The following TMC5 variants were observed in gnomAD, a reference collection of about 807,000 sequenced individuals.
The protein encoded by TMC5 is transmembrane channel like 5.
Under a neutral mutation model 110.5 loss-of-function variants are expected in TMC5, and 86 were observed. That is an observed-to-expected ratio of 0.78 (90% CI 0.65 to 0.93). The LOEUF (loss-of-function observed/expected upper bound fraction) is 0.93, where lower values mean the gene tolerates loss of function less well. Ranked by LOEUF, TMC5 falls within the 40% of genes least tolerant of loss-of-function variation. The pLI, the probability that TMC5 is intolerant of heterozygous loss-of-function variation, is 0.00. For missense variants in TMC5, 1,144 were observed against 1,222.8 expected, an observed-to-expected ratio of 0.94 and a Z score of 0.96; for synonymous variants, 455 against 439.5, an observed-to-expected ratio of 1.04 and a Z score of -0.44.
intron 5 of TMC5, among the ~76,000 whole-genome samples, chr16:19,454,709 A>G (rs1418456870): frequency 1.3e-5 from 2 of 152,150 alleles, no homozygotes; most frequent in African/African-American, 2.4e-5. Context: ...CTGCACCTCA[A>G]TTTCTACAAC....
chr16:19,462,510 G>A (rs1159993898), intron 6 of TMC5: 1 of 701,798 alleles, frequency 1.4e-6, no homozygotes, highest in African/African-American at 1.7e-5. Flanking sequence ...CAGCAGGGGA[G>A]GCCTCACAAT....
At position 19,496,887 on chromosome 16, in the gene TMC5, CAAAAAAAAAAAAAAA is replaced by C. The variant is rs67040638; in HGVS notation, c.2932-222_2932-208del. ...TCTAGGAGATAAAGCAAGACTCTGTCAAAAAAAAAAAAAAAAAAAAAAAAAAGAGTATCTGTGGAA... is the reference window on the plus strand; with the variant it reads ...TCTAGGAGATAAAGCAAGACTCTGTCAAAAAAAAAAAGAGTATCTGTGGAA... On this transcript the variant is annotated intron_variant, in intron 20 of 21. Coordinates refer to ENST00000542583, the MANE Select transcript of TMC5 (RefSeq NM_001261841.2). 8.0e-3 allele frequency among the ~76,000 whole-genome samples: 642 copies of C among 80,236 alleles called. 16 individuals carry two copies. Among genetic ancestry groups the C allele is most frequent in the African/African-American group, 0.031 (607 of 19,410 alleles). 52.6% of individuals were successfully genotyped at this position (80,236 alleles called of 152,430 possible).
intron 17 of TMC5, 58 bp from the exon 18 acceptor site, chr16:19,490,337 T>C: frequency 6.4e-7 from 1 of 1,567,368 alleles, no homozygotes; most frequent in South Asian, 1.1e-5. Flanking sequence ...ACCCTGATTC[T>C]AGAATAACCA....
At chr16:19,484,759 G>A (rs571544602) in intron 15 of TMC5, among the ~76,000 whole-genome samples, 8 of 142,660 alleles carry the variant, frequency 5.6e-5, no homozygotes, top group Admixed American at 1.4e-4. Flanking sequence ...ACGACACTCC[G>A]TCTCAAAAAG....
rs1967896433 is a variant in TMC5 at position 19,457,081 on chromosome 16, A to G, written c.1049-3154A>G. On this transcript the variant is annotated intron_variant, in intron 5 of 21. Transcript: ENST00000542583. ...AAAAGGCTTCCTCGTTGTCCACAGC[A>G]TATTTTACTTTTTAGATATCAAGTG... 6.4e-6 allele frequency: 9 copies of G among 1,405,078 alleles called. No homozygotes were observed. The Admixed American group carries it at 1.4e-4, about 22-fold the overall frequency. 87.0% of individuals were successfully genotyped at this position (1,405,078 alleles called of 1,614,324 possible). A position where few individuals can be genotyped will look rare whatever the true frequency, so the allele number is the denominator to read the frequency against.
At chr16:19,448,293 TACACACACACGC>T (rs1022879907) in intron 4 of TMC5, among the ~76,000 whole-genome samples, 17 of 110,154 alleles carry the variant, frequency 1.5e-4, no homozygotes, top group African/African-American at 6.2e-4. Context: ...AACCATTATT[TACACACACACGC>T]ACACACACAC....
chr16:19,487,575 G>A (rs1039594612), intron 17 of TMC5, among the ~76,000 whole-genome samples: 16 of 152,048 alleles, frequency 1.1e-4, no homozygotes, highest in African/African-American at 3.9e-4. Context: ...GGTGGTGCAT[G>A]CCTGTAATCC....
rs759865087 is a variant in TMC5, at chr16:19,474,197, G to A, written c.2011G>A (p.Val671Met). Residue 671 changes from valine to methionine, a missense_variant, in exon 12 of 22, where the codon GTG becomes ATG. Transcript: ENST00000542583. ...CGTTGTGTCCTGCATTAATCTGGCC[G>A]TGCCATGCATCTACTCCATGTTCAG... is the stretch of plus-strand genomic sequence containing the variant. ...PFVVSCINLA[V>M]PCIYSMFRLV... 3.8e-5 allele frequency: 61 copies of A among 1,613,886 alleles called. No individual in the cohort carries two copies. The highest frequency in any genetic ancestry group is 2.5e-4 in the East Asian group (11 of 44,884).
intron 11 of TMC5, among the ~76,000 whole-genome samples, chr16:19,473,905 A>G (rs1968415260): frequency 6.6e-6 from 1 of 152,024 alleles, no homozygotes; most frequent in African/African-American, 2.4e-5. Context: ...ACTTGAACCG[A>G]GGAAGTGGAA....
At chr16:19,461,224 ACTGTCTTTG>A (rs1020309034) in intron 6 of TMC5, among the ~76,000 whole-genome samples, 2 of 152,200 alleles carry the variant, frequency 1.3e-5, no homozygotes, top group Non-Finnish European at 2.9e-5. Flanking sequence ...AGTTTTCTTT[ACTGTCTTTG>A]CAAGTTTACT....
At chr16:19,486,657 C>A (rs1219377586) in intron 15 of TMC5, among the ~76,000 whole-genome samples, 1 of 152,122 alleles carries the variant, frequency 6.6e-6, no homozygotes, top group African/African-American at 2.4e-5. Context: ...GGATTACAGG[C>A]ATAAGCCACC....
At chr16:19,492,346 A>C in intron 19 of TMC5, 118 bp downstream of exon 19, 1 of 546,116 alleles carries the variant, frequency 1.8e-6, no homozygotes, top group Non-Finnish European at 3.2e-6. Context: ...CTCAGCCCTA[A>C]CAACCATCAA....
intron 9 of TMC5, 61 bp from the exon 10 acceptor site, chr16:19,469,620 C>G: frequency 6.3e-7 from 1 of 1,599,578 alleles, no homozygotes; most frequent in Non-Finnish European, 8.6e-7. Context: ...TTTGTTGAAG[C>G]CCTGCACTCC....
upstream of TMC5, among the ~76,000 whole-genome samples, chr16:19,417,287 C>T (rs977549289): frequency 6.6e-6 from 1 of 151,272 alleles, no homozygotes; most frequent in Non-Finnish European, 1.5e-5. Context: ...GGCATGATGG[C>T]TTGCACCTGT....
chr16:19,413,908 A>G (rs1314710680), upstream of TMC5, among the ~76,000 whole-genome samples: 1 of 152,186 alleles, frequency 6.6e-6, no homozygotes, highest in Non-Finnish European at 1.5e-5. Flanking sequence ...AACTGGGATG[A>G]TTCTAGTAGT....
intron 5 of TMC5, among the ~76,000 whole-genome samples, chr16:19,458,377 A>AT (rs1245358966): frequency 1.3e-5 from 2 of 151,066 alleles, no homozygotes; most frequent in African/African-American, 4.9e-5. Flanking sequence ...CGCCTGGCTA[A>AT]TTTTTTTGTA....
rs1463874777 is a variant in TMC5, at chr16:19,435,297, C to T, written c.-80+4657C>T. The stretch of plus-strand genomic sequence containing the variant: ...ATGAGGTCAGGAGATTGAGACCATC[C>T]TGGCTAACATGGTGAAACCCCATCT... On this transcript the variant is annotated intron_variant, in intron 2 of 21. Coordinates refer to ENST00000542583, the MANE Select transcript of TMC5 (RefSeq NM_001261841.2). Among the ~76,000 whole-genome samples, 4 of 150,270 alleles carry T rather than the reference C, an allele frequency of 2.7e-5. No individual in the cohort carries two copies. In the East Asian group the frequency reaches 7.9e-4, roughly 30 times the overall value.
chr16:19,491,784 G>A (rs756922107), intron 18 of TMC5, among the ~76,000 whole-genome samples: 7 of 152,026 alleles, frequency 4.6e-5, no homozygotes, highest in Non-Finnish European at 1.0e-4. Context: ...TGATCCGCCC[G>A]CCTTGGCCTC....
Position 19,497,956 on chromosome 16 carries a change from C to T in TMC5, c.3011C>T (p.Pro1004Leu). Residue 1004 changes from proline (P) to leucine (L), a missense_variant, in exon 22 of 22, where the codon CCA becomes CTA. Coordinates refer to ENST00000542583, the MANE Select transcript of TMC5 (RefSeq NM_001261841.2). ...AGAAGATCAGTTCAAGAAGGTAATC[C>T]AAGGGCCTGATGACTCTTTTGGTAA... ...RSRRSVQEGN[P>L]RA The T allele has an allele frequency of 6.2e-7, 1 of 1,613,978 alleles. No individual in the cohort carries two copies. The highest frequency in any genetic ancestry group is 8.5e-7 in the Non-Finnish European group (1 of 1,179,936).
Sources: gnomAD v4.1 joint callset for allele counts (sites outside exome capture counted in the v4.1 genomes callset) on GRCh38, gnomAD v4.1.1 for gene constraint, MANE v1.5 for transcripts, NCBI Gene and HGNC (gene_info 2026-07-23, HGNC 2026-07-21) for gene names.